LPP: variants seen among roughly 807,000 people sequenced by gnomAD.
LPP encodes LIM domain containing preferred translocation partner in lipoma, also known as lipoma-preferred partner.
LPP carries 38 observed loss-of-function variants against 60.4 expected under a neutral mutation model. The ratio of observed to expected loss-of-function variants is 0.63; its 90% CI spans 0.49 to 0.83. The LOEUF (loss-of-function observed/expected upper bound fraction) is 0.83, where lower values mean the gene tolerates loss of function less well. Ranked by LOEUF, LPP falls within the 40% of genes least tolerant of loss-of-function variation. The pLI is 0.00. For synonymous variants in LPP, 328 were observed against 290.8 expected (o/e 1.13, Z -1.30); for missense variants, 902 against 783.6 (o/e 1.15, Z -1.80).
chr3:188,507,496 G>T (rs914502224), intron 5 of LPP, among the ~76,000 whole-genome samples: 1 of 151,528 alleles, frequency 6.6e-6, no homozygotes, highest in Non-Finnish European at 1.5e-5. Flanking sequence ...AGTGAAAATA[G>T]TTACTCAGTG....
At chr3:188,328,457 G>A (rs1295419737) in intron 2 of LPP, among the ~76,000 whole-genome samples, 3 of 152,192 alleles carry the variant, frequency 2.0e-5, no homozygotes, top group East Asian at 1.9e-4. Context: ...AGTAGTAGAT[G>A]TAAGGTTTTC....
chr3:188,841,394 T>TTTTTTG (rs753248074), intron 9 of LPP, among the ~76,000 whole-genome samples: 2 of 28,102 alleles, frequency 7.1e-5, no homozygotes, highest in East Asian at 2.6e-3. Flanking sequence ...TCTGAATTTG[T>TTTTTTG]TTTTTTTTTT....
intron 7 of LPP, among the ~76,000 whole-genome samples, chr3:188,635,670 T>A (rs1848596120): frequency 6.6e-6 from 1 of 152,214 alleles, no homozygotes; most frequent in Admixed American, 6.5e-5. Flanking sequence ...GGTTTTGGAA[T>A]CTGATATAGT....
intron 7 of LPP, among the ~76,000 whole-genome samples, chr3:188,704,236 A>G (rs778896371): frequency 2.6e-5 from 4 of 152,124 alleles, no homozygotes; most frequent in Admixed American, 1.3e-4. Context: ...CAATTCCACT[A>G]CCTGAACTGT....
chr3:188,325,966 T>C (rs1758317560), intron 2 of LPP, among the ~76,000 whole-genome samples: 1 of 152,176 alleles, frequency 6.6e-6, no homozygotes, highest in South Asian at 2.1e-4. Flanking sequence ...CTCATTCTTT[T>C]TCCCAGATAT....
At chr3:188,596,151 A>C (rs1839942300) in intron 6 of LPP, among the ~76,000 whole-genome samples, 1 of 152,108 alleles carries the variant, frequency 6.6e-6, no homozygotes. Flanking sequence ...TGCTGTAACC[A>C]TTTGTGCTGT....
chr3:188,599,751 GGTGTGTGTGTGT>G (rs71169011), intron 6 of LPP, among the ~76,000 whole-genome samples: 18 of 139,906 alleles, frequency 1.3e-4, no homozygotes, highest in African/African-American at 3.5e-4. Context: ...ACTCGTTAGG[GGTGTGTGTGTGT>G]GTGTGTGTGT....
chr3:188,410,034 G>GT (rs954923693), intron 4 of LPP, among the ~76,000 whole-genome samples: 2 of 152,128 alleles, frequency 1.3e-5, no homozygotes, highest in African/African-American at 2.4e-5. Flanking sequence ...ATGACAATGT[G>GT]TTTTTTAATA....
intron 4 of LPP, among the ~76,000 whole-genome samples, chr3:188,427,762 C>T (rs926156540): frequency 6.6e-6 from 1 of 152,136 alleles, no homozygotes; most frequent in Non-Finnish European, 1.5e-5. Flanking sequence ...GCCCCTCCCC[C>T]CACCAAGCTG....
intron 9 of LPP, among the ~76,000 whole-genome samples, chr3:188,761,474 G>A (rs114813844): frequency 6.6e-6 from 1 of 152,070 alleles, no homozygotes; most frequent in Admixed American, 6.5e-5. Context: ...CTTTCCAAAG[G>A]TAGCTTAAAC....
chr3:188,468,753 G>A (rs1445938468), intron 4 of LPP, among the ~76,000 whole-genome samples: 3 of 152,152 alleles, frequency 2.0e-5, no homozygotes, highest in Non-Finnish European at 4.4e-5. Flanking sequence ...GAATGCCAAA[G>A]CTGAGCTCGC....
At chr3:188,702,319 C>A in intron 7 of LPP, among the ~76,000 whole-genome samples, 1 of 150,940 alleles carries the variant, frequency 6.6e-6, no homozygotes, top group East Asian at 1.9e-4. Flanking sequence ...TTTCTTCCTT[C>A]TTTCTTTTCT....
rs1486063127 is a variant in LPP at position 188,462,587 on chromosome 3, CATGTGTGTGTGT to C, written c.194-22004_194-21993del. On this transcript the variant is annotated intron_variant, in intron 4 of 11. Coordinates refer to ENST00000617246, the MANE Select transcript of LPP (RefSeq NM_001375462.1). The stretch of plus-strand genomic sequence containing the variant: ...ATATATATATATATATATATATATG[CATGTGTGTGTGT>C]GTGTGTGTGTGTGTGTGTGTGTGTG... Among the ~76,000 whole-genome samples the C allele has an allele frequency of 3.2e-3, 138 of 43,162 alleles. 5 individuals are homozygous for C. The highest frequency in any genetic ancestry group is 0.012 in the South Asian group (11 of 906). The allele number at this position is 43,162 out of a possible 152,430, so 28.3% of individuals were successfully genotyped here.
At chr3:188,310,398 T>C (rs1753035808) in intron 2 of LPP, among the ~76,000 whole-genome samples, 1 of 152,098 alleles carries the variant, frequency 6.6e-6, no homozygotes, top group Non-Finnish European at 1.5e-5. Flanking sequence ...ATGAGTGCGC[T>C]ATAGGTGCTT....
At position 188,869,936 on chromosome 3, in the gene LPP, C is replaced by T. The variant is rs188484769; in HGVS notation, c.1590-2707C>T. Among the ~76,000 whole-genome samples the T allele has an allele frequency of 1.7e-3, 254 of 152,308 alleles. 1 individual carries two copies. The highest frequency in any genetic ancestry group is 5.8e-3 in the African/African-American group (240 of 41,574). ...ACTATCTCCCCTACCCTAACACACA[C>T]GTACACATTTTCTCATTTCACCTAA... On this transcript the variant is annotated intron_variant, in intron 10 of 11. Coordinates refer to ENST00000617246, the MANE Select transcript of LPP (RefSeq NM_001375462.1).
intron 3 of LPP, among the ~76,000 whole-genome samples, chr3:188,384,330 A>ATATGTG (rs1553882705): frequency 6.7e-6 from 1 of 148,798 alleles, no homozygotes; most frequent in Non-Finnish European, 1.5e-5. Context: ...ATGTATGTGC[A>ATATGTG]TGTGTGTGTG....
At chr3:188,523,776 G>A (rs1819673623) in intron 5 of LPP, among the ~76,000 whole-genome samples, 1 of 151,998 alleles carries the variant, frequency 6.6e-6, no homozygotes, top group Non-Finnish European at 1.5e-5. Context: ...GATACACTTT[G>A]GTCTCTTAAT....
intron 4 of LPP, among the ~76,000 whole-genome samples, chr3:188,452,012 CCCTT>C (rs1560422859): frequency 6.6e-6 from 1 of 152,164 alleles, no homozygotes; most frequent in African/African-American, 2.4e-5. Context: ...ACACTCATCT[CCCTT>C]GGTTTGTTTT....
intron 7 of LPP, among the ~76,000 whole-genome samples, chr3:188,687,193 G>T (rs1254359528): frequency 6.6e-6 from 1 of 152,098 alleles, no homozygotes; most frequent in Admixed American, 6.6e-5. Flanking sequence ...GCTTTATTTT[G>T]CAGATGAGCA....
Sources: allele counts gnomAD v4.1 joint callset (sites outside exome capture counted in the v4.1 genomes callset), GRCh38; gene constraint gnomAD v4.1.1; transcripts MANE v1.5; gene names NCBI Gene and HGNC (gene_info 2026-07-23, HGNC 2026-07-21).